The following ESR1 variants were observed in gnomAD, a reference collection of about 807,000 sequenced individuals.
ESR1 encodes the protein estrogen receptor 1.
In ESR1, 12 loss-of-function variants were observed where a neutral mutation model predicts 52.7. The ratio of observed to expected loss-of-function variants is 0.23; its 90% CI spans 0.15 to 0.37. ESR1 has a LOEUF of 0.37. ESR1 is among the 10% of genes least tolerant of loss of function. The pLI, the probability that ESR1 is intolerant of heterozygous loss-of-function variation, is 1.00. For missense variants in ESR1, 584 were observed against 779.7 expected (o/e 0.75, Z 2.99); for synonymous variants, 305 against 316.8 (o/e 0.96, Z 0.39).
At chr6:151,842,820 G>C (rs1784502773) in intron 2 of ESR1, 33 bp downstream of exon 2, 1 of 1,597,136 alleles carries the variant, frequency 6.3e-7, no homozygotes, top group Non-Finnish European at 8.6e-7. Flanking sequence ...TTCTATTTTT[G>C]ATCCTATGAG....
At chr6:151,681,294 G>A (rs1778449575) in intron 1 of ESR1, among the ~76,000 whole-genome samples, 1 of 152,172 alleles carries the variant, frequency 6.6e-6, no homozygotes, top group Non-Finnish European at 1.5e-5. Flanking sequence ...GGTTGCGCTG[G>A]AGTGTGAACA....
intron 2 of ESR1, among the ~76,000 whole-genome samples, chr6:151,752,762 C>G (rs984703306): frequency 6.6e-6 from 1 of 152,132 alleles, no homozygotes; most frequent in African/African-American, 2.4e-5. Context: ...CATTCAGAAA[C>G]TATTTATGAG....
At chr6:151,800,528 G>T (rs1350601121), upstream of ESR1, among the ~76,000 whole-genome samples, 1 of 152,084 alleles carries the variant, frequency 6.6e-6, no homozygotes, top group East Asian at 1.9e-4. Context: ...GATGTTTTAA[G>T]GCTGGGACCC....
intron 1 of ESR1, among the ~76,000 whole-genome samples, chr6:151,831,152 T>C (rs973021103): frequency 7.0e-4 from 106 of 151,988 alleles, no homozygotes; most frequent in African/African-American, 2.4e-3. Flanking sequence ...TTTTCTTTTT[T>C]TTTTTTTTGA....
intron 2 of ESR1, among the ~76,000 whole-genome samples, chr6:151,877,955 A>G (rs937145247): frequency 2.3e-4 from 35 of 151,896 alleles, no homozygotes; most frequent in African/African-American, 7.5e-4. Flanking sequence ...GATTACAGGC[A>G]TGTGCCATCA....
chr6:151,986,904 TGTGTGTGTGTGTGTGTGCACGCGAGCAC>T (rs2040539279), intron 4 of ESR1, among the ~76,000 whole-genome samples: 1 of 143,018 alleles, frequency 7.0e-6, no homozygotes, highest in African/African-American at 2.7e-5. Flanking sequence ...TGTGTGAGCA[TGTGTGTGTGTGTGTGTGCACGCGAGCAC>T]GTGTGTGTGT....
chr6:151,663,655 T>A (rs1196306190), intron 1 of ESR1, among the ~76,000 whole-genome samples: 3 of 152,198 alleles, frequency 2.0e-5, no homozygotes, highest in African/African-American at 7.2e-5. Context: ...CTGTGCTTGG[T>A]GCTAACAGTG....
chr6:151,978,365 G>A (rs75089866), intron 4 of ESR1, among the ~76,000 whole-genome samples: 2,659 of 152,194 alleles, frequency 0.017, 91 homozygotes, highest in African/African-American at 0.06. Context: ...ACGAACATTA[G>A]GAGACATGGA....
At position 151,708,077 on chromosome 6, in the gene ESR1, C is replaced by T. The variant is rs12663266; in HGVS notation, c.-71+6072C>T. ...GTTGATGTGTATCCTCTACTCTTTT[C>T]TCCATGCTCACACAACCCAATATTT... is the stretch of plus-strand genomic sequence containing the variant. On this transcript the variant is annotated intron_variant, in intron 2 of 2. Transcript: ENST00000404742. Among the ~76,000 whole-genome samples, 1,097 of 152,154 alleles carry T rather than the reference C, an allele frequency of 7.2e-3. 55 individuals are homozygous for T. In the East Asian group the frequency reaches 0.16, roughly 22 times the overall value.
intron 2 of ESR1, among the ~76,000 whole-genome samples, chr6:151,846,240 C>A (rs1004694013): frequency 2.0e-5 from 3 of 152,192 alleles, no homozygotes; most frequent in Admixed American, 6.5e-5. Context: ...TACTGTTAAA[C>A]AAAGACATTT....
intron 2 of ESR1, among the ~76,000 whole-genome samples, chr6:151,748,832 A>G (rs1242852249): frequency 6.6e-6 from 1 of 152,186 alleles, no homozygotes; most frequent in Non-Finnish European, 1.5e-5. Flanking sequence ...AAGCTTTCAA[A>G]TTTCTGAGAA....
intron 2 of ESR1, among the ~76,000 whole-genome samples, chr6:151,711,293 C>T (rs1780591204): frequency 6.6e-6 from 1 of 151,512 alleles, no homozygotes; most frequent in Admixed American, 6.6e-5. Context: ...GCAATCTTGG[C>T]TCACTGCAAG....
At chr6:151,997,081 C>CA (rs148073416) in intron 4 of ESR1, among the ~76,000 whole-genome samples, 15,673 of 145,046 alleles carry the variant, frequency 0.11, 996 homozygotes, top group East Asian at 0.31. Context: ...AAAACAAAAA[C>CA]AAAAAAAAAA....
At chr6:151,831,113 CA>C (rs1782328809) in intron 1 of ESR1, among the ~76,000 whole-genome samples, 2 of 151,478 alleles carry the variant, frequency 1.3e-5, no homozygotes, top group South Asian at 4.2e-4. Context: ...GCTGTCCTTA[CA>C]ATAAATAATT....
At chr6:151,822,675 C>G (rs903196291) in intron 1 of ESR1, among the ~76,000 whole-genome samples, 2 of 152,172 alleles carry the variant, frequency 1.3e-5, no homozygotes, top group Non-Finnish European at 2.9e-5. Context: ...GAAAGCTGCA[C>G]GCCTCATGAC....
chr6:151,685,951 A>C (rs1778647547), upstream of ESR1, among the ~76,000 whole-genome samples: 1 of 152,116 alleles, frequency 6.6e-6, no homozygotes, highest in Non-Finnish European at 1.5e-5. Flanking sequence ...TCACTCAGGC[A>C]AAAGTGCAGC....
At chr6:151,766,496 AT>A (rs1227297257) in intron 2 of ESR1, among the ~76,000 whole-genome samples, 1 of 141,910 alleles carries the variant, frequency 7.0e-6, no homozygotes. Flanking sequence ...AAACAAAAAA[AT>A]AAAAAATAAA....
intron 2 of ESR1, among the ~76,000 whole-genome samples, chr6:151,798,657 T>C (rs1776940491): frequency 6.6e-6 from 1 of 152,250 alleles, no homozygotes; most frequent in African/African-American, 2.4e-5. Context: ...ATGAGTATGA[T>C]AGCTTCAATA....
At chr6:151,978,664 T>A (rs1562623966) in intron 4 of ESR1, among the ~76,000 whole-genome samples, 1 of 152,108 alleles carries the variant, frequency 6.6e-6, no homozygotes, top group Non-Finnish European at 1.5e-5. Flanking sequence ...GGCAAGCAGA[T>A]GACTGAGTTC....
Sources: allele counts gnomAD v4.1 joint callset (sites outside exome capture counted in the v4.1 genomes callset), GRCh38; gene constraint gnomAD v4.1.1; transcripts MANE v1.5; gene names NCBI Gene and HGNC (gene_info 2026-07-23, HGNC 2026-07-21).